Variants in HEY1 observed in about 807,000 individuals in gnomAD.
The protein encoded by HEY1 is hairy/enhancer-of-split related with YRPW motif protein 1.
In HEY1, 9 loss-of-function variants were observed where a neutral mutation model predicts 28.7. That is an observed-to-expected ratio of 0.31 (90% confidence interval 0.19 to 0.55). The LOEUF is 0.55. Ranked by LOEUF, HEY1 falls within the 20% of genes least tolerant of loss-of-function variation. HEY1 has a pLI of 0.93. For synonymous variants in HEY1, 213 were observed against 175.6 expected (o/e 1.21, Z -1.68); for missense variants, 385 against 399.4 (o/e 0.96, Z 0.31).
rs2130487059 is a variant in HEY1 at position 79,765,335 on chromosome 8, G to A, written c.768C>T (p.Ser256=). 1 of 1,572,586 alleles carries A rather than the reference G, an allele frequency of 6.4e-7. No homozygotes were observed. Among genetic ancestry groups the A allele is most frequent in the Non-Finnish European group, 8.6e-7 (1 of 1,158,458 alleles). The change falls in exon 5 of 5, where the codon TCC becomes TCT. Residue 256 remains serine, a synonymous_variant. Coordinates refer to ENST00000354724, the MANE Select transcript of HEY1 (RefSeq NM_012258.4). The stretch of plus-strand genomic sequence containing the variant: ...GGAAGGCCGACAGGGAGGCCACTGA[G>A]GAGAGCAGAGGCGGCGACAGTTTGG... ...SASKLSPPLL[S]SVASLSAFPF...
At position 79,767,562 on chromosome 8, in the gene HEY1, G is replaced by A. The variant is rs1395377051; in HGVS notation, c.89+13C>T. 1.9e-6 allele frequency: 3 copies of A among 1,593,836 alleles called. No homozygotes were observed. In the South Asian group the frequency reaches 3.4e-5, roughly 18 times the overall value. On this transcript the variant is annotated intron_variant, in intron 1 of 4. Coordinates refer to ENST00000354724, the MANE Select transcript of HEY1 (RefSeq NM_012258.4). ...CGCTCTGGCTCGGCTCCGCTCCGCC[G>A]CCGCCAGCTCACCCATTCTCGTCCG...
At chr8:79,767,139 T>C in intron 2 of HEY1, 47 bp from the exon 3 acceptor site, 2 of 1,590,058 alleles carry the variant, frequency 1.3e-6, no homozygotes, top group Non-Finnish European at 1.7e-6. Context: ...ATTACGACTG[T>C]AAATTTCAAA....
At chr8:79,767,515 C>T (rs1807876353) in intron 1 of HEY1, 60 bp downstream of exon 1, 4 of 1,498,446 alleles carry the variant, frequency 2.7e-6, no homozygotes, top group Non-Finnish European at 3.7e-6. Context: ...GCTGTCACCG[C>T]GGCAGGCCTG....
At position 79,767,580 on chromosome 8, in the gene HEY1, C is replaced by G; in HGVS notation, c.84G>C (p.Glu28Asp). Residue 28 changes from glutamate to aspartate, a missense_variant, in exon 1 of 5, where the codon GAG (glutamate) becomes GAC (aspartate). Around this residue, in one of 3 missense-constraint regions of HEY1, gnomAD observed 79 missense variants for 60.7 expected, o/e 1.30. Transcript: ENST00000354724. Reference protein sequence around the residue: ...TIEVEKESADENGNLSSALGS... With the variant: ...TIEVEKESADDNGNLSSALGS... ...CTCCGCCGCCGCCAGCTCACCCATT[C>G]TCGTCCGCACTCTCCTTCTCCACCT... The G allele has an allele frequency of 6.2e-7, 1 of 1,607,596 alleles. No homozygotes were observed. Among genetic ancestry groups the G allele is most frequent in the African/African-American group, 1.3e-5 (1 of 74,774 alleles).
chr8:79,765,584 C>A lies in HEY1; in HGVS notation c.519G>T (p.Ala173=). 6.2e-7 allele frequency: 1 copy of A among 1,614,160 alleles called. No homozygotes were observed. The highest frequency in any genetic ancestry group is 8.5e-7 in the Non-Finnish European group (1 of 1,180,034). ...TCCCCCAGGGAATGTGTCCGAGGCC[C>A]GCGTGGGCGCCGCTCGCGGCTTCCC... ...SQREAASGAH[A]GLGHIPWGTV... The change falls in exon 5 of 5, where the codon GCG becomes GCT. Residue 173 remains alanine (A), a synonymous_variant. Transcript: ENST00000354724.
chr8:79,767,494 G>A, intron 1 of HEY1, 81 bp downstream of exon 1: 1 of 1,393,446 alleles, frequency 7.2e-7, no homozygotes, highest in Admixed American at 1.9e-5. Context: ...GCGCGCCAAG[G>A]GTCCTAGCCC....
At position 79,765,610 on chromosome 8, in the gene HEY1, G is replaced by T; in HGVS notation, c.493C>A (p.Arg165=). 6.2e-7 allele frequency: 1 copy of T among 1,614,134 alleles called. No homozygotes were observed. The highest frequency in any genetic ancestry group is 2.2e-5 in the East Asian group (1 of 44,882). The part of the protein sequence containing the change: ...VSHLNNYASQ[R]EAASGAHAGL... ...GCGTGGGCGCCGCTCGCGGCTTCCC[G>T]CTGGGAAGCGTAGTTGTTGAGATGC... Residue 165 remains arginine (R), a synonymous_variant, in exon 5 of 5, where the codon CGG becomes AGG. Transcript: ENST00000354724.
chr8:79,765,443 G>A lies in HEY1; in HGVS notation c.660C>T (p.Gly220=). 6.2e-7 allele frequency: 1 copy of A among 1,612,632 alleles called. No individual in the cohort carries two copies. The highest frequency in any genetic ancestry group is 8.5e-7 in the Non-Finnish European group (1 of 1,179,368). Residue 220 remains glycine, a synonymous_variant, in exon 5 of 5, where the codon GGC becomes GGT. Transcript: ENST00000354724. ...PTEPHHQGRL[G]SAHPEAPALR... is the part of the protein sequence containing the mutation. Reference sequence around the variant, plus strand: ...AAGCAGGCGCCTCCGGATGTGCCGAGCCCAGCCTGCCCTGGTGGTGCGGTT... The same window carrying A: ...AAGCAGGCGCCTCCGGATGTGCCGAACCCAGCCTGCCCTGGTGGTGCGGTT...
intron 4 of HEY1, chr8:79,766,274 C>G: frequency 6.6e-7 from 1 of 1,521,602 alleles, no homozygotes; most frequent in Non-Finnish European, 8.8e-7. Flanking sequence ...GTGGCAGCAC[C>G]TTTTTTTTAA....
chr8:79,766,527 C>A (rs945920996), intron 4 of HEY1, 124 bp downstream of exon 4: 3 of 1,539,096 alleles, frequency 1.9e-6, no homozygotes, highest in East Asian at 2.3e-5. Context: ...ACTGCACACA[C>A]CACACACCGT....
rs1371156437 is a variant in HEY1, at chr8:79,765,150, A to AT, written c.*37dup. On this transcript the variant is annotated 3_prime_UTR_variant, in exon 5 of 5. Coordinates refer to ENST00000354724, the MANE Select transcript of HEY1 (RefSeq NM_012258.4). ...TTGGCAACAGTCCAGCCCAGCTGGGATTTTAAACTTTCCCCTCCCTCATTC... is the reference window on the plus strand; with the variant it reads ...TTGGCAACAGTCCAGCCCAGCTGGGATTTTTAAACTTTCCCCTCCCTCATTC... The AT allele has an allele frequency of 7.0e-7, 1 of 1,432,438 alleles. No homozygotes were observed. Among genetic ancestry groups the AT allele is most frequent in the Non-Finnish European group, 9.4e-7 (1 of 1,061,178 alleles). The allele number at this position is 1,432,438 out of a possible 1,614,324, so 88.7% of individuals were successfully genotyped here.
At position 79,767,757 on chromosome 8, in the gene HEY1, C is replaced by A; in HGVS notation, c.-94G>T. 1.2e-6 allele frequency: 1 copy of A among 846,308 alleles called. No individual in the cohort carries two copies. Among genetic ancestry groups the A allele is most frequent in the South Asian group, 1.5e-5 (1 of 68,650 alleles). The allele number at this position is 846,308 out of a possible 1,614,324, so 52.4% of individuals were successfully genotyped here. On this transcript the variant is annotated 5_prime_UTR_variant, in exon 1 of 5. Coordinates refer to ENST00000354724, the MANE Select transcript of HEY1 (RefSeq NM_012258.4). ...CTCTCCGCTCTCGGCTGCTTGCGTT[C>A]CGCACACACTGATCCCGCTCACGCT...
At chr8:79,765,801 G>C (rs1173312198) in intron 4 of HEY1, 30 bp from the exon 5 acceptor site, 2 of 1,568,138 alleles carry the variant, frequency 1.3e-6, no homozygotes, top group Non-Finnish European at 1.7e-6. Flanking sequence ...AAAAATCTCA[G>C]GGCTTTGCCC....
At chr8:79,767,383 A>G in intron 1 of HEY1, 89 bp from the exon 2 acceptor site, 2 of 1,273,270 alleles carry the variant, frequency 1.6e-6, no homozygotes, top group Non-Finnish European at 2.2e-6. Flanking sequence ...CCCTCCCCGC[A>G]CTCAGACTTT....
At position 79,764,992 on chromosome 8, in the gene HEY1, C is replaced by T; in HGVS notation, c.*196G>A. 1 of 489,556 alleles carries T rather than the reference C, an allele frequency of 2.0e-6. No individual in the cohort carries two copies. Among genetic ancestry groups the T allele is most frequent in the Non-Finnish European group, 3.6e-6 (1 of 278,388 alleles). The allele number at this position is 489,556 out of a possible 1,614,324, so 30.3% of individuals were successfully genotyped here. A position where few individuals can be genotyped will look rare whatever the true frequency, so the allele number is the denominator to read the frequency against. The stretch of plus-strand genomic sequence containing the variant: ...TTTAACAACTAGTTTTTAAAAACTG[C>T]TAATACATGACATGATGAAAAAAAC... On this transcript the variant is annotated 3_prime_UTR_variant, in exon 5 of 5. Coordinates refer to ENST00000354724, the MANE Select transcript of HEY1 (RefSeq NM_012258.4).
In HEY1 at chr8:79,766,264, G is replaced by A. The variant is rs770723266; in HGVS notation, c.331+387C>T. 7 of 1,203,532 alleles carry A rather than the reference G, an allele frequency of 5.8e-6. No individual in the cohort carries two copies. The South Asian group carries it at 8.4e-5, about 14-fold the overall frequency. The allele number at this position is 1,203,532 out of a possible 1,614,324, so 74.6% of individuals were successfully genotyped here. On this transcript the variant is annotated intron_variant, in intron 4 of 4. Transcript: ENST00000354724. ...ATACATTTCTTTCCTCAAGAGGCAT[G>A]TGGCAGCACCTTTTTTTTAAAATCC...
At position 79,765,742 on chromosome 8, in the gene HEY1, C is replaced by T. The variant is rs772863213; in HGVS notation, c.361G>A (p.Asp121Asn). The T allele has an allele frequency of 1.9e-6, 3 of 1,612,650 alleles. No homozygotes were observed. Among genetic ancestry groups the T allele is most frequent in the East Asian group, 2.2e-5 (1 of 44,846 alleles). Residue 121 changes from aspartate to asparagine, a missense_variant, in exon 5 of 5, where the codon GAC (aspartate) becomes AAC (asparagine). Asp to Asn is a conservative substitution (Grantham distance 23). Transcript: ENST00000354724. ...TCCCGAAATCCCAAACTCCGATAGTCCATAGCAAGGGCGTGCGCGTCAAAG... is the reference window on the plus strand; with the variant it reads ...TCCCGAAATCCCAAACTCCGATAGTTCATAGCAAGGGCGTGCGCGTCAAAG... ...GYFDAHALAM[D>N]YRSLGFRECL... is the part of the protein sequence containing the mutation.
chr8:79,765,047 C>A lies in HEY1; in HGVS notation c.*141G>T. The stretch of plus-strand genomic sequence containing the variant: ...AAAAAGATAAAAGTAAACCAACAAA[C>A]CTTTAGTCTTTAAAAAAAAAATTAT... On this transcript the variant is annotated 3_prime_UTR_variant, in exon 5 of 5. Transcript: ENST00000354724. 8.7e-6 allele frequency: 5 copies of A among 573,508 alleles called. No individual in the cohort carries two copies. The highest frequency in any genetic ancestry group is 3.4e-5 in the South Asian group (1 of 29,034). 35.5% of individuals were successfully genotyped at this position (573,508 alleles called of 1,614,324 possible). A position where few individuals can be genotyped will look rare whatever the true frequency, so the allele number is the denominator to read the frequency against.
In HEY1 at chr8:79,764,558, A is replaced by G. The variant is rs1447656629; in HGVS notation, c.*630T>C. The G allele has an allele frequency of 4.4e-6, 1 of 227,024 alleles. No homozygotes were observed. The highest frequency in any genetic ancestry group is 8.8e-6 in the Non-Finnish European group (1 of 114,174). The allele number at this position is 227,024 out of a possible 1,614,324, so 14.1% of individuals were successfully genotyped here. ...CTGGTCAGATGGATTCAGGGCCACC[A>G]ACAGTTTGTACATTCACCTTTCTGC... is the stretch of plus-strand genomic sequence containing the variant. On this transcript the variant is annotated 3_prime_UTR_variant, in exon 5 of 5. Transcript: ENST00000354724.
Sources: gnomAD v4.1 joint callset for allele counts on GRCh38, gnomAD v4.1.1 for gene constraint, gnomAD v4.1.1 regional missense constraint, MANE v1.5 for transcripts, NCBI Gene and HGNC (gene_info 2026-07-23, HGNC 2026-07-21) for gene names.